The following FBN2 variants were observed in gnomAD, a reference collection of about 807,000 sequenced individuals.
The protein encoded by FBN2 is fibrillin 2, also known as fibrillin-2.
In FBN2, 105 loss-of-function variants were observed where a neutral mutation model predicts 355.6. The ratio of observed to expected loss-of-function variants is 0.30; its 90% CI spans 0.25 to 0.35. The LOEUF (loss-of-function observed/expected upper bound fraction) is 0.35. FBN2 is among the 10% of genes least tolerant of loss of function. FBN2 has a pLI of 1.00. For synonymous variants in FBN2, 1,350 were observed against 1,301.2 expected (o/e 1.04, Z -0.81); for missense variants, 3,280 against 3,758.7 (o/e 0.87, Z 3.33).
chr5:128,290,113 A>G (rs1187724636), intron 50 of FBN2, among the ~76,000 whole-genome samples, 166 bp from the exon 51 acceptor site: 1 of 152,218 alleles, frequency 6.6e-6, no homozygotes, highest in Non-Finnish European at 1.5e-5. Context: ...AAGCATATTT[A>G]GTGAGGGCCA....
rs757216544 is a variant in FBN2, at chr5:128,289,206, T to C, written c.6558A>G (p.Gln2186=). 23 of 1,613,334 alleles carry C rather than the reference T, an allele frequency of 1.4e-5. No homozygotes were observed. Among genetic ancestry groups the C allele is most frequent in the East Asian group, 4.5e-5 (2 of 44,888 alleles). The part of the protein sequence containing the change: ...LESPGICSNG[Q]CINTDGSFRC... ...GAAAAGATCCGTCGGTGTTGATACA[T>C]TGACCATTTGAACAAATGCCTGGGC... Residue 2186 remains glutamine, a synonymous_variant, in exon 52 of 65, where the codon CAA becomes CAG. Coordinates refer to ENST00000262464, the MANE Select transcript of FBN2 (RefSeq NM_001999.4).
chr5:128,495,447 C>T (rs1387833095), intron 5 of FBN2, among the ~76,000 whole-genome samples: 1 of 151,902 alleles, frequency 6.6e-6, no homozygotes, highest in Non-Finnish European at 1.5e-5. Context: ...ATTTATACCT[C>T]CAAGAAGTTT....
At chr5:128,401,867 T>C (rs1038821545) in intron 8 of FBN2, among the ~76,000 whole-genome samples, 1 of 152,156 alleles carries the variant, frequency 6.6e-6, no homozygotes, top group African/African-American at 2.4e-5. Context: ...TGAAGGAAAC[T>C]AAGTCATAGG....
At chr5:128,308,955 T>G (rs557949937) in intron 41 of FBN2, among the ~76,000 whole-genome samples, 2 of 152,360 alleles carry the variant, frequency 1.3e-5, no homozygotes, top group African/African-American at 4.8e-5. Flanking sequence ...AAATCAATAA[T>G]TGACAAGCAC....
At chr5:128,511,721 G>A (rs1243885144) in intron 5 of FBN2, among the ~76,000 whole-genome samples, 3 of 152,124 alleles carry the variant, frequency 2.0e-5, no homozygotes, top group Non-Finnish European at 4.4e-5. Context: ...CCTTAGTTTT[G>A]CCCAATAAAT....
intron 7 of FBN2, among the ~76,000 whole-genome samples, chr5:128,416,150 C>A (rs546480059): frequency 6.6e-6 from 1 of 152,028 alleles, no homozygotes; most frequent in Non-Finnish European, 1.5e-5. Flanking sequence ...TTCGGCCTCC[C>A]AAGTAGCTAG....
intron 5 of FBN2, among the ~76,000 whole-genome samples, chr5:128,494,210 T>C (rs1755590113): frequency 6.6e-6 from 1 of 152,022 alleles, no homozygotes; most frequent in African/African-American, 2.4e-5. Context: ...GGCTCAGAGA[T>C]TTTACCCAAA....
chr5:128,343,619 C>G (rs1581230153), intron 25 of FBN2, among the ~76,000 whole-genome samples: 1 of 152,294 alleles, frequency 6.6e-6, no homozygotes, highest in East Asian at 1.9e-4. Context: ...AAAGTTAGAA[C>G]TTCACATCTT....
At position 128,506,942 on chromosome 5, in the gene FBN2, T is replaced by C. The variant is rs867118620; in HGVS notation, c.628+12331A>G. On this transcript the variant is annotated intron_variant, in intron 5 of 64. Coordinates refer to ENST00000262464, the MANE Select transcript of FBN2 (RefSeq NM_001999.4). ...TATCATAGGATAAATCTCAATTGGC[T>C]ATGATCTATTATCCTTTTACCATAT... 8.5e-5 allele frequency among the ~76,000 whole-genome samples: 13 copies of C among 152,272 alleles called. No individual in the cohort carries two copies. In the Middle Eastern group the frequency reaches 0.01, roughly 120 times the overall value.
At chr5:128,481,424 G>A (rs922308821) in intron 5 of FBN2, among the ~76,000 whole-genome samples, 7 of 152,110 alleles carry the variant, frequency 4.6e-5, no homozygotes, top group Admixed American at 4.6e-4. Flanking sequence ...GAGACTATGC[G>A]TCATGCCACT....
intron 5 of FBN2, among the ~76,000 whole-genome samples, chr5:128,488,811 C>A (rs1035223210): frequency 7.9e-5 from 12 of 151,830 alleles, no homozygotes; most frequent in Non-Finnish European, 1.5e-4. Context: ...TCATCCATGT[C>A]CCTACAAAGG....
intron 7 of FBN2, among the ~76,000 whole-genome samples, chr5:128,414,715 T>C (rs1377356770): frequency 2.0e-5 from 3 of 152,140 alleles, no homozygotes; most frequent in African/African-American, 7.2e-5. Flanking sequence ...CAAACTGTTT[T>C]CCAAAGCAGC....
At position 128,318,973 on chromosome 5, in the gene FBN2, A is replaced by C; in HGVS notation, c.4500T>G (p.Ile1500Met). 6.2e-7 allele frequency: 1 copy of C among 1,608,368 alleles called. No individual in the cohort carries two copies. Among genetic ancestry groups the C allele is most frequent in the Non-Finnish European group, 8.5e-7 (1 of 1,174,920 alleles). ...QDIDECSFQN[I>M]CVFGTCNNLP... is the part of the protein sequence containing the mutation. ...GGTTATTACATGTTCCAAAGACACAAATGTTTTGGAAGGAGCATTCATCAA... is the reference window on the plus strand; with the variant it reads ...GGTTATTACATGTTCCAAAGACACACATGTTTTGGAAGGAGCATTCATCAA... The change falls in exon 35 of 65, where the codon ATT becomes ATG. Residue 1500 changes from isoleucine (I) to methionine (M), a missense_variant. This residue lies in a region of FBN2 where 2,284 missense variants were observed against 2,749.5 expected (regional missense o/e 0.83). Coordinates refer to ENST00000262464, the MANE Select transcript of FBN2 (RefSeq NM_001999.4).
intron 5 of FBN2, among the ~76,000 whole-genome samples, chr5:128,481,510 C>T (rs1755187810): frequency 6.6e-6 from 1 of 152,146 alleles, no homozygotes; most frequent in East Asian, 1.9e-4. Context: ...GGGAGAGGCT[C>T]TGAATGCCTA....
At chr5:128,419,813 C>A (rs1240957620) in intron 7 of FBN2, among the ~76,000 whole-genome samples, 1 of 152,100 alleles carries the variant, frequency 6.6e-6, no homozygotes. Flanking sequence ...CTGCTTCAGC[C>A]TCCCAAGTAC....
chr5:128,328,559 G>A (rs1750613932), intron 34 of FBN2, 137 bp downstream of exon 34: 4 of 927,400 alleles, frequency 4.3e-6, no homozygotes, highest in East Asian at 2.6e-5. Flanking sequence ...AATAATCCAC[G>A]CTTAAACGAA....
At chr5:128,327,504 G>T (rs1750583606) in intron 34 of FBN2, among the ~76,000 whole-genome samples, 1 of 151,524 alleles carries the variant, frequency 6.6e-6, no homozygotes, top group Non-Finnish European at 1.5e-5. Flanking sequence ...GTTCATTCTG[G>T]TTAGATACTG....
Position 128,519,130 on chromosome 5 carries a change from C to T in FBN2, c.628+143G>A, listed in dbSNP as rs1311467755. 4.2e-6 allele frequency: 3 copies of T among 715,490 alleles called. No individual in the cohort carries two copies. In the East Asian group the frequency reaches 8.3e-5, roughly 20 times the overall value. The allele number at this position is 715,490 out of a possible 1,614,324, so 44.3% of individuals were successfully genotyped here. A position where few individuals can be genotyped will look rare whatever the true frequency, so the allele number is the denominator to read the frequency against. On this transcript the variant is annotated intron_variant, in intron 5 of 64. Coordinates refer to ENST00000262464, the MANE Select transcript of FBN2 (RefSeq NM_001999.4). ...GCCACTATTAGCTATGTCTCAAAAT[C>T]TTACCATTCAACTTAGAGACATAAT...
intron 11 of FBN2, among the ~76,000 whole-genome samples, chr5:128,390,881 A>G (rs1306743603): frequency 6.6e-6 from 1 of 152,218 alleles, no homozygotes; most frequent in Non-Finnish European, 1.5e-5. Context: ...AGAATTCAGA[A>G]AGATTATTTA....
Sources: gnomAD v4.1 joint callset for allele counts (sites outside exome capture counted in the v4.1 genomes callset) on GRCh38, gnomAD v4.1.1 for gene constraint, gnomAD v4.1.1 regional missense constraint, MANE v1.5 for transcripts, NCBI Gene and HGNC (gene_info 2026-07-23, HGNC 2026-07-21) for gene names.